Variants in HECW1 observed in about 807,000 individuals in gnomAD.
HECW1 encodes E3 ubiquitin-protein ligase HECW1.
A neutral mutation model predicts 182.3 loss-of-function variants in HECW1; 61 were observed. The observed-to-expected ratio is 0.33, with a 90% confidence interval of 0.27 to 0.41. The LOEUF (loss-of-function observed/expected upper bound fraction) is 0.41, where lower values mean the gene tolerates loss of function less well. Among genes scored for constraint, HECW1 ranks in the 10% least tolerant of loss-of-function variants. The pLI, the probability that HECW1 is intolerant of heterozygous loss-of-function variation, is 1.00. For missense variants in HECW1, 1,739 were observed against 2,108.9 expected (o/e 0.82, Z 3.44); for synonymous variants, 859 against 832.6 (o/e 1.03, Z -0.55).
chr7:43,329,900 C>A (rs1470520660), intron 5 of HECW1, among the ~76,000 whole-genome samples: 1 of 152,134 alleles, frequency 6.6e-6, no homozygotes, highest in African/African-American at 2.4e-5. Flanking sequence ...AATGCAGATT[C>A]CATAGGCAAG....
chr7:43,198,505 CAT>C (rs1428746670), intron 2 of HECW1, among the ~76,000 whole-genome samples: 6 of 151,384 alleles, frequency 4.0e-5, no homozygotes, highest in East Asian at 1.9e-4. Flanking sequence ...ACTCAAACAC[CAT>C]AGTCACACAC....
intron 2 of HECW1, among the ~76,000 whole-genome samples, chr7:43,193,635 G>A (rs1273817893): frequency 6.6e-6 from 1 of 152,136 alleles, no homozygotes; most frequent in East Asian, 1.9e-4. Flanking sequence ...ACCCGACTCA[G>A]CCTCCCAAAT....
At chr7:43,344,315 A>T (rs942683447) in intron 5 of HECW1, among the ~76,000 whole-genome samples, 2 of 151,748 alleles carry the variant, frequency 1.3e-5, no homozygotes, top group African/African-American at 4.9e-5. Context: ...TTGGTGTTTT[A>T]GTCATGAAGT....
chr7:43,404,811 C>T (rs2075549961), intron 7 of HECW1, among the ~76,000 whole-genome samples: 1 of 152,102 alleles, frequency 6.6e-6, no homozygotes, highest in South Asian at 2.1e-4. Flanking sequence ...CCTATCCCTA[C>T]TAAAAATACA....
At chr7:43,541,375 A>G in intron 25 of HECW1, 114 bp downstream of exon 25, 1 of 778,892 alleles carries the variant, frequency 1.3e-6, no homozygotes, top group Non-Finnish European at 2.3e-6. Flanking sequence ...CATTCCTGTT[A>G]GGGTTATGGT....
intron 2 of HECW1, among the ~76,000 whole-genome samples, chr7:43,193,549 T>G (rs1275418839): frequency 1.3e-5 from 2 of 152,042 alleles, no homozygotes; most frequent in East Asian, 3.9e-4. Flanking sequence ...GCCCAGCTAA[T>G]TTTTATATTT....
chr7:43,388,899 T>G (rs1176675152), intron 6 of HECW1, among the ~76,000 whole-genome samples: 1 of 152,160 alleles, frequency 6.6e-6, no homozygotes, highest in South Asian at 2.1e-4. Flanking sequence ...GTAAGAATGA[T>G]TGGCCTACAG....
In HECW1 at chr7:43,562,048, CA is replaced by C; in HGVS notation, c.*125del. 1 of 640,158 alleles carries C rather than the reference CA, an allele frequency of 1.6e-6. No individual in the cohort carries two copies. 39.7% of individuals were successfully genotyped at this position (640,158 alleles called of 1,614,324 possible). On this transcript the variant is annotated 3_prime_UTR_variant, in exon 30 of 30. Transcript: ENST00000395891. The stretch of plus-strand genomic sequence containing the variant: ...TTTGGTATTCCATGATTTTTATTTT[CA>C]AACCAAATCAGGATTGACAAAAGCT...
At chr7:43,389,897 C>T (rs961385916) in intron 6 of HECW1, among the ~76,000 whole-genome samples, 27 of 152,046 alleles carry the variant, frequency 1.8e-4, no homozygotes, top group Admixed American at 9.2e-4. Flanking sequence ...CCTCCCAAAG[C>T]GCTGAGATTA....
intron 12 of HECW1, among the ~76,000 whole-genome samples, chr7:43,455,434 T>G (rs955524755): frequency 1.3e-5 from 2 of 152,186 alleles, no homozygotes; most frequent in Admixed American, 1.3e-4. Flanking sequence ...ACATCCAAGA[T>G]TTTAGAACAG....
chr7:43,546,142 G>A (rs2081550198), intron 26 of HECW1, among the ~76,000 whole-genome samples: 1 of 147,370 alleles, frequency 6.8e-6, no homozygotes, highest in East Asian at 2.1e-4. Context: ...GTCATCTTCT[G>A]TTAGTTCCTC....
intron 5 of HECW1, among the ~76,000 whole-genome samples, chr7:43,330,397 G>A (rs1028838716): frequency 2.0e-5 from 3 of 152,204 alleles, no homozygotes; most frequent in Non-Finnish European, 2.9e-5. Flanking sequence ...TGCTGTCAAT[G>A]GCAACAGCAT....
chr7:43,319,393 C>CAA (rs529109893), intron 4 of HECW1, among the ~76,000 whole-genome samples: 8 of 67,714 alleles, frequency 1.2e-4, no homozygotes, highest in South Asian at 8.5e-4. Flanking sequence ...GACTCCGTCT[C>CAA]AAAAAAAAAA....
intron 2 of HECW1, among the ~76,000 whole-genome samples, chr7:43,189,363 G>A (rs1793686865): frequency 6.7e-6 from 1 of 148,614 alleles, no homozygotes; most frequent in Non-Finnish European, 1.5e-5. Context: ...TAGCTCTCAG[G>A]CGATAGGGAC....
intron 2 of HECW1, among the ~76,000 whole-genome samples, chr7:43,218,388 G>A (rs1000556903): frequency 3.9e-5 from 6 of 152,146 alleles, no homozygotes; most frequent in Admixed American, 6.5e-5. Context: ...AGGACAAGAC[G>A]TATCATGGAT....
chr7:43,473,409 A>C (rs2078099187), intron 16 of HECW1, among the ~76,000 whole-genome samples: 1 of 152,248 alleles, frequency 6.6e-6, no homozygotes, highest in Non-Finnish European at 1.5e-5. Context: ...TCACTAATGA[A>C]TCAAAGCACG....
At chr7:43,308,097 TG>T (rs1200476190) in intron 3 of HECW1, among the ~76,000 whole-genome samples, 2 of 107,900 alleles carry the variant, frequency 1.9e-5, no homozygotes, top group Non-Finnish European at 3.4e-5. Context: ...ATATTATATA[TG>T]TTATATATAA....
chr7:43,167,840 C>T (rs1245060712), intron 2 of HECW1, among the ~76,000 whole-genome samples: 8 of 152,140 alleles, frequency 5.3e-5, no homozygotes, highest in Non-Finnish European at 1.2e-4. Flanking sequence ...CACACTCTAA[C>T]ACACACCCTG....
chr7:43,209,911 C>T (rs1390621163), intron 2 of HECW1, among the ~76,000 whole-genome samples: 1 of 152,194 alleles, frequency 6.6e-6, no homozygotes, highest in African/African-American at 2.4e-5. Flanking sequence ...AGTCCCACAG[C>T]ATCTCTACTT....
Sources: allele counts gnomAD v4.1 joint callset (sites outside exome capture counted in the v4.1 genomes callset), GRCh38; gene constraint gnomAD v4.1.1; transcripts MANE v1.5; gene names NCBI Gene and HGNC (gene_info 2026-07-23, HGNC 2026-07-21).